The following ABHD12 variants were observed in gnomAD, a reference collection of about 807,000 sequenced individuals.
ABHD12 encodes the protein abhydrolase domain containing 12, lysophospholipase, also known as lysophosphatidylserine lipase ABHD12.
ABHD12 carries 43 observed loss-of-function variants against 58.3 expected under a neutral mutation model. The ratio of observed to expected loss-of-function variants is 0.74; its 90% CI spans 0.58 to 0.95. The LOEUF is 0.95. ABHD12 is among the 40% of genes least tolerant of loss of function. The pLI is 0.00. For missense variants in ABHD12, 539 were observed against 537.2 expected (o/e 1.00, Z -0.03); for synonymous variants, 219 against 211.2 (o/e 1.04, Z -0.32).
chr20:25,295,567 C>T (rs2088528428), downstream of ABHD12: 1 of 1,593,046 alleles, frequency 6.3e-7, no homozygotes, highest in Non-Finnish European at 8.6e-7. Context: ...GCAGGGCTCC[C>T]TGCTGCCCTG....
intron 5 of ABHD12, among the ~76,000 whole-genome samples, chr20:25,316,255 G>T (rs2088959948): frequency 1.3e-5 from 2 of 152,138 alleles, no homozygotes; most frequent in South Asian, 4.1e-4. Flanking sequence ...CGCCTCCCAG[G>T]TTTAAGCAAT....
intron 1 of ABHD12, among the ~76,000 whole-genome samples, chr20:25,384,764 T>TA (rs1442787403): frequency 1.3e-5 from 2 of 151,482 alleles, no homozygotes; most frequent in African/African-American, 4.9e-5. Context: ...CAAAACAAAC[T>TA]AAAAAAAACA....
intron 1 of ABHD12, among the ~76,000 whole-genome samples, chr20:25,340,536 C>CCT (rs2089441479): frequency 6.6e-6 from 1 of 152,162 alleles, no homozygotes; most frequent in African/African-American, 2.4e-5. Context: ...CCTTACTGAC[C>CCT]CTCTGCAAGG....
chr20:25,384,462 A>T (rs2090062465), intron 1 of ABHD12, among the ~76,000 whole-genome samples: 1 of 151,862 alleles, frequency 6.6e-6, no homozygotes, highest in African/African-American at 2.4e-5. Flanking sequence ...AACAAACAAA[A>T]GGCCGGGTGC....
chr20:25,373,863 CTTT>C (rs1333965113), intron 1 of ABHD12, among the ~76,000 whole-genome samples: 2 of 152,158 alleles, frequency 1.3e-5, no homozygotes, highest in African/African-American at 4.8e-5. Flanking sequence ...TTCTCCTCTT[CTTT>C]GAGGACTTTA....
intron 1 of ABHD12, among the ~76,000 whole-genome samples, chr20:25,389,095 C>A (rs1295294793): frequency 6.6e-6 from 1 of 152,104 alleles, no homozygotes; most frequent in African/African-American, 2.4e-5. Context: ...CGTGAGCCAC[C>A]GCGCCCGGCA....
rs2089257826 is a variant in ABHD12, at chr20:25,330,664, C to T, written c.317-7234G>A. 3.3e-5 allele frequency among the ~76,000 whole-genome samples: 5 copies of T among 152,226 alleles called. No homozygotes were observed. The South Asian group carries it at 1.0e-3, about 32-fold the overall frequency. On this transcript the variant is annotated intron_variant, in intron 2 of 12. Transcript: ENST00000339157. Reference sequence around the variant, plus strand: ...CAAGCGGGTCCCTGACCCCTGACCCCCGAGCAGCCTAACTGGGAGGCAACC... The same window carrying T: ...CAAGCGGGTCCCTGACCCCTGACCCTCGAGCAGCCTAACTGGGAGGCAACC...
intron 1 of ABHD12, among the ~76,000 whole-genome samples, chr20:25,388,313 T>C (rs1283616388): frequency 6.6e-6 from 1 of 152,246 alleles, no homozygotes; most frequent in African/African-American, 2.4e-5. Flanking sequence ...ATTCAACAAG[T>C]ATTTTCTGCT....
At chr20:25,335,561 T>A (rs2089349554) in intron 2 of ABHD12, among the ~76,000 whole-genome samples, 1 of 123,406 alleles carries the variant, frequency 8.1e-6, no homozygotes, top group Non-Finnish European at 1.7e-5. Flanking sequence ...CCAACCCAAA[T>A]GTCCAACAAT....
chr20:25,322,535 A>G (rs2089098106), intron 3 of ABHD12, among the ~76,000 whole-genome samples: 1 of 150,084 alleles, frequency 6.7e-6, no homozygotes, highest in Non-Finnish European at 1.5e-5. Flanking sequence ...GCGTGCCACC[A>G]TGCCCAGCTA....
chr20:25,344,981 T>C (rs775663030), intron 1 of ABHD12, among the ~76,000 whole-genome samples: 14 of 151,300 alleles, frequency 9.3e-5, no homozygotes, highest in Non-Finnish European at 2.1e-4. Flanking sequence ...TTCACAAAAA[T>C]AAAACTCAAA....
chr20:25,373,077 C>T (rs139956174), intron 1 of ABHD12, among the ~76,000 whole-genome samples: 1 of 152,282 alleles, frequency 6.6e-6, no homozygotes, highest in African/African-American at 2.4e-5. Flanking sequence ...GAGCAATAGG[C>T]CTTACCACAT....
At position 25,337,572 on chromosome 20, in the gene ABHD12, C is replaced by A. The variant is rs149936225; in HGVS notation, c.316+1655G>T. Among the ~76,000 whole-genome samples the A allele has an allele frequency of 1.6e-3, 246 of 152,360 alleles. 3 individuals are homozygous for A. Among genetic ancestry groups the A allele is most frequent in the African/African-American group, 5.6e-3 (231 of 41,590 alleles). Reference sequence around the variant, plus strand: ...ATTCAATTCAAACATTTGCTGGGAGCCCACAATGTACCAGGCCACGCAGGG... The same window carrying A: ...ATTCAATTCAAACATTTGCTGGGAGACCACAATGTACCAGGCCACGCAGGG... On this transcript the variant is annotated intron_variant, in intron 2 of 12. Coordinates refer to ENST00000339157, the MANE Select transcript of ABHD12 (RefSeq NM_001042472.3).
At chr20:25,307,227 C>G (rs750727356) in intron 9 of ABHD12, among the ~76,000 whole-genome samples, 1 of 152,262 alleles carries the variant, frequency 6.6e-6, no homozygotes, top group Non-Finnish European at 1.5e-5. Flanking sequence ...CCCCAGAAAC[C>G]AGTCTTCCCG....
At chr20:25,340,651 A>C (rs1017781849) in intron 1 of ABHD12, among the ~76,000 whole-genome samples, 8 of 152,252 alleles carry the variant, frequency 5.3e-5, no homozygotes, top group Non-Finnish European at 8.8e-5. Context: ...GACAATTTCC[A>C]AACAGTCTTA....
At chr20:25,372,262 C>T (rs1001260866) in intron 1 of ABHD12, among the ~76,000 whole-genome samples, 2 of 151,946 alleles carry the variant, frequency 1.3e-5, no homozygotes, top group African/African-American at 4.8e-5. Flanking sequence ...CTGTCACCTG[C>T]GCTTAAGTGC....
At chr20:25,295,649 A>C (rs905605698), downstream of ABHD12, 1 of 1,614,092 alleles carries the variant, frequency 6.2e-7, no homozygotes, top group Admixed American at 1.7e-5. Context: ...AGTGCCAGGC[A>C]CAGGTGGACC....
At chr20:25,380,545 A>C (rs898834796) in intron 1 of ABHD12, among the ~76,000 whole-genome samples, 1 of 150,754 alleles carries the variant, frequency 6.6e-6, no homozygotes, top group Non-Finnish European at 1.5e-5. Flanking sequence ...TCCTCTCTCC[A>C]CTTCTTCCTT....
intron 1 of ABHD12, among the ~76,000 whole-genome samples, chr20:25,373,225 A>G (rs980856964): frequency 4.0e-5 from 6 of 151,774 alleles, no homozygotes; most frequent in African/African-American, 1.4e-4. Context: ...ATTGAGTGAC[A>G]TTACTACATG....
Sources: gnomAD v4.1 joint callset for allele counts (sites outside exome capture counted in the v4.1 genomes callset) on GRCh38, gnomAD v4.1.1 for gene constraint, MANE v1.5 for transcripts, NCBI Gene and HGNC (gene_info 2026-07-23, HGNC 2026-07-21) for gene names.